Variants in PAIP2B observed in about 807,000 individuals in gnomAD.
The protein encoded by PAIP2B is polyadenylate-binding protein-interacting protein 2B.
Under a neutral mutation model 17.0 loss-of-function variants are expected in PAIP2B, and 13 were observed. The observed-to-expected ratio is 0.76, with a 90% CI of 0.50 to 1.22. The LOEUF (loss-of-function observed/expected upper bound fraction) is 1.22. PAIP2B is among the 50% of genes most tolerant of loss of function. The pLI is 0.00. For synonymous variants in PAIP2B, 43 were observed against 48.7 expected, an observed-to-expected ratio of 0.88 and a Z score of 0.48; for missense variants, 117 against 144.5, an observed-to-expected ratio of 0.81 and a Z score of 0.98.
chr2:71,218,498 C>A (rs1675490721), intron 1 of PAIP2B, among the ~76,000 whole-genome samples: 1 of 152,050 alleles, frequency 6.6e-6, no homozygotes, highest in Admixed American at 6.5e-5. Flanking sequence ...GCAAAGATGA[C>A]AAATGGAAGG....
intron 1 of PAIP2B, among the ~76,000 whole-genome samples, chr2:71,211,918 A>G (rs756716279): frequency 1.3e-5 from 2 of 152,176 alleles, no homozygotes; most frequent in Non-Finnish European, 2.9e-5. Context: ...ACTCAGACCC[A>G]CCTTTGAGTC....
intron 1 of PAIP2B, among the ~76,000 whole-genome samples, chr2:71,224,592 G>A (rs1266348175): frequency 2.0e-5 from 3 of 152,100 alleles, no homozygotes; most frequent in Non-Finnish European, 4.4e-5. Context: ...TACAGAGAGA[G>A]GTCCAGATGG....
chr2:71,214,017 A>AT (rs1468962897), intron 1 of PAIP2B, among the ~76,000 whole-genome samples: 2 of 152,002 alleles, frequency 1.3e-5, no homozygotes, highest in Non-Finnish European at 2.9e-5. Context: ...ATTAAAAAAA[A>AT]TTTTTTTAGA....
chr2:71,208,010 G>A (rs1227753517), intron 1 of PAIP2B, among the ~76,000 whole-genome samples: 1 of 152,116 alleles, frequency 6.6e-6, no homozygotes, highest in Non-Finnish European at 1.5e-5. Context: ...AGTTGGAGTA[G>A]TCGTTTATAT....
At position 71,189,887 on chromosome 2, in the gene PAIP2B, A is replaced by G; in HGVS notation, c.273T>C (p.Asn91=). 6.4e-7 allele frequency: 1 copy of G among 1,568,202 alleles called. No individual in the cohort carries two copies. The highest frequency in any genetic ancestry group is 1.2e-5 in the South Asian group (1 of 85,112). ...CATGACCTTCACTGACTGACAGTCC[A>G]TTTAACTGCTGTTGCAACTGTCCCA... ...QAMGQLQQQL[N]GLSVSEGHDS... Residue 91 remains asparagine, a synonymous_variant, in exon 3 of 4, where the codon AAT becomes AAC. Coordinates refer to ENST00000244221, the MANE Select transcript of PAIP2B (RefSeq NM_020459.1).
intron 2 of PAIP2B, among the ~76,000 whole-genome samples, chr2:71,193,050 C>G (rs1167475636): frequency 6.6e-6 from 1 of 152,196 alleles, no homozygotes; most frequent in Non-Finnish European, 1.5e-5. Context: ...ACACTCCTAC[C>G]AACATTGTAT....
intron 1 of PAIP2B, among the ~76,000 whole-genome samples, chr2:71,212,921 A>ATT (rs781353885): frequency 5.1e-5 from 7 of 136,710 alleles, no homozygotes; most frequent in African/African-American, 1.9e-4. Context: ...GCATGGCTAA[A>ATT]TTTTTTTTTT....
intron 2 of PAIP2B, among the ~76,000 whole-genome samples, chr2:71,194,343 T>C (rs1186918357): frequency 1.3e-5 from 2 of 152,234 alleles, no homozygotes; most frequent in Non-Finnish European, 2.9e-5. Flanking sequence ...ATTCTTCCTA[T>C]CCATGAGCAT....
At chr2:71,204,684 A>G (rs143725938) in intron 1 of PAIP2B, among the ~76,000 whole-genome samples, 25 of 152,322 alleles carry the variant, frequency 1.6e-4, no homozygotes, top group African/African-American at 5.8e-4. Context: ...GATCCATAAT[A>G]ATAATTTCAT....
At chr2:71,210,107 G>A (rs2103803378) in intron 1 of PAIP2B, among the ~76,000 whole-genome samples, 1 of 152,272 alleles carries the variant, frequency 6.6e-6, no homozygotes, top group East Asian at 1.9e-4. Context: ...TTACAGGCAT[G>A]AGCCACCACT....
At chr2:71,220,655 ATATT>A (rs1558783977) in intron 1 of PAIP2B, among the ~76,000 whole-genome samples, 1 of 152,212 alleles carries the variant, frequency 6.6e-6, no homozygotes, top group African/African-American at 2.4e-5. Flanking sequence ...TTTTTAAAAA[ATATT>A]TGTTTATTTT....
chr2:71,183,855 C>A lies in PAIP2B; in HGVS notation c.*4624G>T, dbSNP rs1289454802. The A allele has an allele frequency of 2.0e-5, 3 of 152,122 alleles. No individual in the cohort carries two copies. 9.4% of individuals were successfully genotyped at this position (152,122 alleles called of 1,614,324 possible). ...AACTGAGTAATAGTTACAGCTACAC[C>A]ACTGAGGGAAGTTACTAAAATCACT... On this transcript the variant is annotated 3_prime_UTR_variant, in exon 4 of 4. Transcript: ENST00000244221.
At chr2:71,211,238 G>A (rs550797854) in intron 1 of PAIP2B, among the ~76,000 whole-genome samples, 1 of 150,276 alleles carries the variant, frequency 6.7e-6, no homozygotes, top group African/African-American at 2.4e-5. Context: ...CAGCCTAGGG[G>A]ACAAAAGCAA....
intron 1 of PAIP2B, among the ~76,000 whole-genome samples, chr2:71,208,853 A>G (rs1179395743): frequency 1.3e-5 from 2 of 152,220 alleles, no homozygotes; most frequent in African/African-American, 4.8e-5. Flanking sequence ...GCCTGCAGCC[A>G]TCAGAATTTG....
Position 71,219,731 on chromosome 2 carries a change from T to A in PAIP2B, c.-12+7197A>T, listed in dbSNP as rs192266753. ...AAGGGTAATGTGCGCAAATACATAG[T>A]TCAAAAATATTTAAAATATAACTAT... On this transcript the variant is annotated intron_variant, in intron 1 of 3. Transcript: ENST00000244221. Among the ~76,000 whole-genome samples the A allele has an allele frequency of 5.5e-5, 8 of 144,338 alleles. No homozygotes were observed. In the East Asian group the frequency reaches 1.5e-3, roughly 28 times the overall value. The allele number at this position is 144,338 out of a possible 152,430, so 94.7% of individuals were successfully genotyped here. A position where few individuals can be genotyped will look rare whatever the true frequency, so the allele number is the denominator to read the frequency against.
At chr2:71,217,133 T>C (rs1232564077) in intron 1 of PAIP2B, among the ~76,000 whole-genome samples, 2 of 152,134 alleles carry the variant, frequency 1.3e-5, no homozygotes, top group African/African-American at 4.8e-5. Flanking sequence ...ATTGGCTATA[T>C]ATATATATTT....
chr2:71,196,042 C>A, intron 2 of PAIP2B, among the ~76,000 whole-genome samples: 1 of 152,104 alleles, frequency 6.6e-6, no homozygotes, highest in Admixed American at 6.5e-5. Flanking sequence ...TTTGTTATTT[C>A]TCGTCTTCTG....
At chr2:71,190,705 C>T (rs889483420) in intron 2 of PAIP2B, among the ~76,000 whole-genome samples, 4 of 151,966 alleles carry the variant, frequency 2.6e-5, no homozygotes, top group African/African-American at 9.7e-5. Context: ...ACAAAGTAAC[C>T]CTTCTTAAAT....
At chr2:71,191,976 C>T (rs908315850) in intron 2 of PAIP2B, among the ~76,000 whole-genome samples, 3 of 152,202 alleles carry the variant, frequency 2.0e-5, no homozygotes, top group Non-Finnish European at 2.9e-5. Flanking sequence ...CTGCCAATCC[C>T]GAGTTCCCAT....
Sources: allele counts gnomAD v4.1 joint callset (sites outside exome capture counted in the v4.1 genomes callset), GRCh38; gene constraint gnomAD v4.1.1; transcripts MANE v1.5; gene names NCBI Gene and HGNC (gene_info 2026-07-23, HGNC 2026-07-21).